Variants in SLC29A1 observed in about 807,000 individuals in gnomAD.
SLC29A1 encodes the protein equilibrative nucleoside transporter 1.
Under a neutral mutation model 48.3 loss-of-function variants are expected in SLC29A1, and 22 were observed. The ratio of observed to expected loss-of-function variants is 0.46; its 90% CI spans 0.33 to 0.65. The LOEUF is 0.65. Among genes scored for constraint, SLC29A1 ranks in the 30% least tolerant of loss-of-function variants. The pLI is 0.03. For synonymous variants in SLC29A1, 228 were observed against 231.0 expected, an observed-to-expected ratio of 0.99 and a Z score of 0.12; for missense variants, 491 against 575.3, an observed-to-expected ratio of 0.85 and a Z score of 1.50.
upstream of SLC29A1, chr6:44,219,824 G>T (rs1186807011): frequency 9.0e-7 from 1 of 1,108,720 alleles, no homozygotes; most frequent in Non-Finnish European, 1.2e-6. Flanking sequence ...GGCGGGGTGG[G>T]GTGGGGGCGA....
chr6:44,224,861 C>T (rs1193638491), intron 1 of SLC29A1, among the ~76,000 whole-genome samples: 1 of 152,148 alleles, frequency 6.6e-6, no homozygotes, highest in Non-Finnish European at 1.5e-5. Context: ...CTGTTTGCCG[C>T]TGGGCAAAGG....
intron 12 of SLC29A1, 103 bp from the exon 13 acceptor site, chr6:44,233,314 G>A (rs1779311426): frequency 2.0e-6 from 2 of 988,132 alleles, no homozygotes; most frequent in African/African-American, 1.6e-5. Flanking sequence ...ACAGAATGAG[G>A]TTCGACAGTC....
intron 1 of SLC29A1, among the ~76,000 whole-genome samples, chr6:44,224,909 G>A (rs1272236138): frequency 6.6e-6 from 1 of 152,212 alleles, no homozygotes; most frequent in African/African-American, 2.4e-5. Flanking sequence ...CCAGCTGAAT[G>A]TTAGGATATG....
At chr6:44,231,931 G>A (rs369982665) in intron 9 of SLC29A1, 67 bp from the exon 10 acceptor site, 32 of 1,221,844 alleles carry the variant, frequency 2.6e-5, no homozygotes, top group Admixed American at 6.8e-5. Flanking sequence ...GCCTGGATTC[G>A]TGGTTCTTTA....
intron 5 of SLC29A1, 100 bp from the exon 6 acceptor site, chr6:44,230,247 G>A: frequency 6.5e-7 from 1 of 1,545,816 alleles, no homozygotes; most frequent in Non-Finnish European, 8.8e-7. Flanking sequence ...CAGCCTCAAG[G>A]CTCACCAAGA....
At chr6:44,230,542 GTC>G in intron 6 of SLC29A1, 24 bp from the exon 7 acceptor site, 1 of 1,614,036 alleles carries the variant, frequency 6.2e-7, no homozygotes, top group Non-Finnish European at 8.5e-7. Flanking sequence ...GATGGGGCCT[GTC>G]TCTGATCACT....
In SLC29A1 at chr6:44,230,655, T is replaced by G; in HGVS notation, c.677T>G (p.Leu226Arg). The G allele has an allele frequency of 1.5e-6, 2 of 1,373,476 alleles. No individual in the cohort carries two copies. The highest frequency in any genetic ancestry group is 4.4e-5 in the East Asian group (1 of 22,584). 85.1% of individuals were successfully genotyped at this position (1,373,476 alleles called of 1,614,324 possible). ...IILTIICYLGLPRLEFYRYYQ... is the reference protein window; with the variant it reads ...IILTIICYLGRPRLEFYRYYQ... ...TTGACCATCATCTGTTACCTGGGCC[T>G]GCCCCGCCTGGTGAGTAAATGGAGG... The change falls in exon 7 of 13, where the codon CTG becomes CGG. Residue 226 changes from leucine to arginine, a missense_variant. Leu to Arg is a moderately radical substitution (Grantham distance 102). Coordinates refer to ENST00000371755, the MANE Select transcript of SLC29A1 (RefSeq NM_001372327.1).
chr6:44,219,799 C>T (rs1046825150), upstream of SLC29A1: 29 of 261,764 alleles, frequency 1.1e-4, no homozygotes, highest in Middle Eastern at 3.8e-3. Flanking sequence ...GGGGCGGGGC[C>T]GGGGGGCCTG....
In SLC29A1 at chr6:44,229,239, A is replaced by G. The variant is rs776151342; in HGVS notation, c.30-151A>G. 4.2e-6 allele frequency: 3 copies of G among 706,904 alleles called. No homozygotes were observed. Among genetic ancestry groups the G allele is most frequent in the African/African-American group, 1.7e-5 (1 of 57,770 alleles). 43.8% of individuals were successfully genotyped at this position (706,904 alleles called of 1,614,324 possible). A position where few individuals can be genotyped will look rare whatever the true frequency, so the allele number is the denominator to read the frequency against. Reference sequence around the variant, plus strand: ...TGTACCCTTTTCTCCCCCCACACCCATAAGAGGACACATGCAAACGGACAC... The same window carrying G: ...TGTACCCTTTTCTCCCCCCACACCCGTAAGAGGACACATGCAAACGGACAC... On this transcript the variant is annotated intron_variant, in intron 2 of 12. Transcript: ENST00000371755. This position sits in a 1 kb window ranked among gnomAD's most constrained non-coding sequence, Gnocchi z 5.1.
intron 9 of SLC29A1, 31 bp downstream of exon 9, chr6:44,231,492 C>T (rs1270487635): frequency 2.2e-6 from 3 of 1,376,916 alleles, no homozygotes; most frequent in African/African-American, 2.9e-5. Context: ...TATCTTCTAC[C>T]CCTTGTCCTC....
Position 44,230,479 on chromosome 6 carries a change from C to T in SLC29A1, c.587C>T (p.Ala196Val), listed in dbSNP as rs1778570229. ...TCCGTGGCCATGATCTGCGCTATTG[C>T]CAGTAAGTCCGGCTATCTACCTGCC... ...FASVAMICAI[A>V]SGSELSESAF... Residue 196 changes from alanine (A) to valine (V), a missense_variant and splice_region_variant, in exon 6 of 13, where the codon GCC becomes GTC. Coordinates refer to ENST00000371755, the MANE Select transcript of SLC29A1 (RefSeq NM_001372327.1). The T allele has an allele frequency of 6.2e-7, 1 of 1,613,630 alleles. No individual in the cohort carries two copies. The highest frequency in any genetic ancestry group is 8.5e-7 in the Non-Finnish European group (1 of 1,179,874).
upstream of SLC29A1, among the ~76,000 whole-genome samples, chr6:44,222,561 G>A (rs1360103844): frequency 6.6e-6 from 1 of 152,070 alleles, no homozygotes; most frequent in Non-Finnish European, 1.5e-5. Flanking sequence ...TTCTCCTCAG[G>A]ACCTTTCCAG....
Position 44,232,208 on chromosome 6 carries a change from G to A in SLC29A1, c.973+102G>A, listed in dbSNP as rs1405487752. ...CTGGGTCACCTTCTCCCCGTTTCCT[G>A]GGTCCATTTGCCCTTCCCTGGGCTG... On this transcript the variant is annotated intron_variant, in intron 10 of 12. Transcript: ENST00000371755. The surrounding 1 kb of genome is among the most constrained non-coding windows in gnomAD (Gnocchi z 4.7). 4.3e-6 allele frequency: 5 copies of A among 1,151,056 alleles called. No individual in the cohort carries two copies. The highest frequency in any genetic ancestry group is 1.7e-5 in the Admixed American group (1 of 57,692). The allele number at this position is 1,151,056 out of a possible 1,614,324, so 71.3% of individuals were successfully genotyped here.
chr6:44,221,523 G>A, upstream of SLC29A1: 1 of 870,094 alleles, frequency 1.1e-6, no homozygotes, highest in Non-Finnish European at 1.6e-6. The surrounding 1 kb of genome is among the most constrained non-coding windows in gnomAD (Gnocchi z 4.2). Context: ...ATATAGGGTG[G>A]TGAATAAGGT....
upstream of SLC29A1, among the ~76,000 whole-genome samples, chr6:44,221,434 A>G (rs1446237787): frequency 6.6e-6 from 1 of 152,130 alleles, no homozygotes; most frequent in African/African-American, 2.4e-5. This position sits in a 1 kb window ranked among gnomAD's most constrained non-coding sequence, Gnocchi z 4.2. Flanking sequence ...CTGGGGAGAG[A>G]GAGGACTGTG....
intron 1 of SLC29A1, among the ~76,000 whole-genome samples, chr6:44,225,055 CAGG>C (rs886608938): frequency 1.3e-5 from 2 of 152,176 alleles, no homozygotes; most frequent in African/African-American, 4.8e-5. Context: ...CAGTTTTACC[CAGG>C]AGAACAGGAG....
intron 9 of SLC29A1, 82 bp downstream of exon 9, chr6:44,231,543 C>T (rs1778881028): frequency 2.6e-5 from 23 of 885,194 alleles, no homozygotes; most frequent in South Asian, 1.8e-4. Flanking sequence ...CCACCCATCT[C>T]CTCCCTTTCT....
upstream of SLC29A1, chr6:44,219,695 A>C (rs777372460): frequency 7.8e-7 from 1 of 1,288,278 alleles, no homozygotes; most frequent in Non-Finnish European, 1.0e-6. Flanking sequence ...CCCAGCCCCG[A>C]GATGAGGAGG....
At chr6:44,225,806 C>G (rs1450016465) in intron 1 of SLC29A1, 1 of 152,136 alleles carries the variant, frequency 6.6e-6, no homozygotes, top group South Asian at 2.1e-4. Flanking sequence ...TGGGAGAGCC[C>G]GTGGAAGGTC....
Sources: allele counts gnomAD v4.1 joint callset (sites outside exome capture counted in the v4.1 genomes callset), GRCh38; gene constraint gnomAD v4.1.1; non-coding constraint Gnocchi (gnomAD v3.1); transcripts MANE v1.5; gene names NCBI Gene and HGNC (gene_info 2026-07-23, HGNC 2026-07-21).